REEP5: variants seen among roughly 807,000 people sequenced by gnomAD.
REEP5 encodes receptor accessory protein 5, also known as receptor expression-enhancing protein 5.
A neutral mutation model predicts 22.4 loss-of-function variants in REEP5; 24 were observed. That is an observed-to-expected ratio of 1.07 (90% CI 0.78 to 1.51). REEP5 has a LOEUF of 1.51. Among genes scored for constraint, REEP5 ranks in the 40% most tolerant of loss-of-function variants. REEP5 has a pLI of 0.00. For synonymous variants in REEP5, 103 were observed against 88.6 expected, an observed-to-expected ratio of 1.16 and a Z score of -0.92; for missense variants, 252 against 233.0, an observed-to-expected ratio of 1.08 and a Z score of -0.53.
intron 3 of REEP5, among the ~76,000 whole-genome samples, chr5:112,898,673 A>G (rs540952823): frequency 2.0e-5 from 3 of 152,334 alleles, no homozygotes; most frequent in East Asian, 3.9e-4. Context: ...AGCAAAAGCC[A>G]ATTTCTTTCC....
At chr5:112,900,927 T>A (rs981210642) in intron 3 of REEP5, among the ~76,000 whole-genome samples, 4 of 149,392 alleles carry the variant, frequency 2.7e-5, no homozygotes, top group African/African-American at 7.4e-5. Flanking sequence ...AACCTCTGCA[T>A]CCCAGATTCA....
intron 3 of REEP5, chr5:112,892,957 C>T (rs769530839): frequency 3.3e-5 from 52 of 1,595,150 alleles, no homozygotes; most frequent in East Asian, 1.1e-4. Flanking sequence ...GGACCAGGGC[C>T]GCCGGAGCCA....
At chr5:112,891,614 C>G (rs1460303140) in intron 3 of REEP5, 1 of 1,577,050 alleles carries the variant, frequency 6.3e-7, no homozygotes, top group African/African-American at 1.4e-5. Context: ...TTAAGAATGT[C>G]TGAGGGGTCA....
rs867975296 is a variant in REEP5 at position 112,878,573 on chromosome 5, G to A, written c.*213C>T. ...GAGGCAAAATACATTTTCCAAAAAC[G>A]TGGACACTGCCCACTGCATTAAGTT... On this transcript the variant is annotated 3_prime_UTR_variant, in exon 5 of 5. Transcript: ENST00000379638. 2 of 582,986 alleles carry A rather than the reference G, an allele frequency of 3.4e-6. No homozygotes were observed. The highest frequency in any genetic ancestry group is 3.7e-5 in the Admixed American group (1 of 26,968). The allele number at this position is 582,986 out of a possible 1,614,324, so 36.1% of individuals were successfully genotyped here. A position where few individuals can be genotyped will look rare whatever the true frequency, so the allele number is the denominator to read the frequency against.
rs190445988 is a variant in REEP5, at chr5:112,876,502, A to C, written c.*2284T>G. ...CATTTTCTTCAGCTGTGAGTAGAGG[A>C]GTCTTCCCGAGAGTAGCAGTTGTTG... is the stretch of plus-strand genomic sequence containing the variant. On this transcript the variant is annotated 3_prime_UTR_variant, in exon 5 of 5. Transcript: ENST00000379638. 5 of 152,294 alleles carry C rather than the reference A, an allele frequency of 3.3e-5. No individual in the cohort carries two copies. Among genetic ancestry groups the C allele is most frequent in the Admixed American group, 1.3e-4 (2 of 15,288 alleles). The allele number at this position is 152,294 out of a possible 1,614,324, so 9.4% of individuals were successfully genotyped here.
chr5:112,914,445 C>T (rs78419807), intron 2 of REEP5, among the ~76,000 whole-genome samples: 12,282 of 151,770 alleles, frequency 0.081, 904 homozygotes, highest in African/African-American at 0.19. Flanking sequence ...GCCATGTTGT[C>T]CAGGCTGGTC....
intron 3 of REEP5, among the ~76,000 whole-genome samples, chr5:112,898,594 G>C (rs1768765570): frequency 1.3e-5 from 2 of 152,194 alleles, no homozygotes; most frequent in African/African-American, 4.8e-5. Context: ...TTGGAAGTCT[G>C]AGGTCAGAAC....
chr5:112,888,230 G>A (rs1310051306), intron 3 of REEP5, among the ~76,000 whole-genome samples: 1 of 152,148 alleles, frequency 6.6e-6, no homozygotes, highest in African/African-American at 2.4e-5. Context: ...AAGCTATGAT[G>A]GTTTTCTAAG....
intron 4 of REEP5, among the ~76,000 whole-genome samples, chr5:112,884,779 GCCCCC>G (rs35461707): frequency 6.8e-6 from 1 of 147,816 alleles, no homozygotes; most frequent in Admixed American, 6.8e-5. Flanking sequence ...CCAGTCCTTG[GCCCCC>G]CCCCATCTTT....
chr5:112,892,972 C>T lies in REEP5; in HGVS notation c.352-5789G>A, dbSNP rs772846578. 1.0e-5 allele frequency: 16 copies of T among 1,589,472 alleles called. No individual in the cohort carries two copies. In the Admixed American group the frequency reaches 1.2e-4, roughly 12 times the overall value. ...GGACCAGGGCCGCCGGAGCCAGAGC[C>T]GCAGGAGCCACCGCAGCCGGAGCCA... is the stretch of plus-strand genomic sequence containing the variant. On this transcript the variant is annotated intron_variant, in intron 3 of 4. Coordinates refer to ENST00000379638, the MANE Select transcript of REEP5 (RefSeq NM_005669.5).
At chr5:112,892,650 C>T (rs1170555713) in intron 3 of REEP5, 1 of 1,613,898 alleles carries the variant, frequency 6.2e-7, no homozygotes, top group East Asian at 2.2e-5. Flanking sequence ...TTCATGTGTT[C>T]AGAAATCCCA....
chr5:112,920,917 A>G (rs1159141894), intron 2 of REEP5, among the ~76,000 whole-genome samples: 1 of 152,172 alleles, frequency 6.6e-6, no homozygotes, highest in Non-Finnish European at 1.5e-5. Flanking sequence ...TAGTGTGCCA[A>G]AGAGAGGGGA....
intron 3 of REEP5, chr5:112,892,786 C>A (rs746786471): frequency 6.2e-7 from 1 of 1,613,510 alleles, no homozygotes; most frequent in African/African-American, 1.3e-5. Flanking sequence ...CAGCAGGCAG[C>A]GGGGAAGGAG....
chr5:112,881,808 C>G (rs1482249289), intron 4 of REEP5: 2 of 152,240 alleles, frequency 1.3e-5, no homozygotes, highest in Non-Finnish European at 2.9e-5. Context: ...CTCTGTCACC[C>G]AGGCTGGAAT....
intron 3 of REEP5, chr5:112,892,193 C>T: frequency 6.2e-7 from 1 of 1,614,174 alleles, no homozygotes. Flanking sequence ...AAAACAGGAG[C>T]TTGCAGATTT....
intron 3 of REEP5, chr5:112,893,089 G>C: frequency 1.8e-6 from 1 of 546,804 alleles, no homozygotes; most frequent in Non-Finnish European, 2.7e-6. Flanking sequence ...AACTAGTTTT[G>C]TTCTTAAAAA....
At position 112,902,534 on chromosome 5, in the gene REEP5, A is replaced by G. The variant is rs1169361247; in HGVS notation, c.213-16T>C. On this transcript the variant is annotated splice_polypyrimidine_tract_variant and intron_variant, in intron 2 of 4. Coordinates refer to ENST00000379638, the MANE Select transcript of REEP5 (RefSeq NM_005669.5). ...AGCTTTAATTCTGAAAGGCAGTACA[A>G]AAGAAAGTATATCATTTGGTAAGAT... 1.9e-6 allele frequency: 3 copies of G among 1,562,376 alleles called. No individual in the cohort carries two copies. The highest frequency in any genetic ancestry group is 1.7e-6 in the Non-Finnish European group (2 of 1,158,818).
At chr5:112,895,842 T>G (rs557442414) in intron 3 of REEP5, 32 of 152,272 alleles carry the variant, frequency 2.1e-4, no homozygotes, top group African/African-American at 7.5e-4. Flanking sequence ...GCCCTCAAAG[T>G]GCCAGCTGAT....
intron 3 of REEP5, among the ~76,000 whole-genome samples, chr5:112,899,726 T>C (rs1420179222): frequency 6.6e-6 from 1 of 152,210 alleles, no homozygotes; most frequent in Non-Finnish European, 1.5e-5. Flanking sequence ...CAAGAAATGG[T>C]TAAAAGGTCC....
Sources: allele counts gnomAD v4.1 joint callset (sites outside exome capture counted in the v4.1 genomes callset), GRCh38; gene constraint gnomAD v4.1.1; transcripts MANE v1.5; gene names NCBI Gene and HGNC (gene_info 2026-07-23, HGNC 2026-07-21).